Variants in PPP6R3 observed in about 807,000 individuals in gnomAD.
The protein encoded by PPP6R3 is protein phosphatase 6 regulatory subunit 3, also known as serine/threonine-protein phosphatase 6 regulatory subunit 3.
PPP6R3 carries 38 observed loss-of-function variants against 110.7 expected under a neutral mutation model. That is an observed-to-expected ratio of 0.34 (90% CI 0.26 to 0.45). The LOEUF is 0.45. Ranked by LOEUF, PPP6R3 falls within the 20% of genes least tolerant of loss-of-function variation. The pLI, the probability that PPP6R3 is intolerant of heterozygous loss-of-function variation, is 1.00. For synonymous variants in PPP6R3, 369 were observed against 373.5 expected (o/e 0.99, Z 0.14); for missense variants, 870 against 1,062.4 (o/e 0.82, Z 2.52).
chr11:68,496,105 T>G (rs1022698614), intron 1 of PPP6R3, among the ~76,000 whole-genome samples: 2 of 151,932 alleles, frequency 1.3e-5, no homozygotes, highest in African/African-American at 2.4e-5. Context: ...TCCTCCCACC[T>G]CCGCCCCCCA....
intron 1 of PPP6R3, among the ~76,000 whole-genome samples, chr11:68,466,720 C>T (rs1198143315): frequency 1.3e-5 from 2 of 152,226 alleles, no homozygotes; most frequent in Non-Finnish European, 2.9e-5. Context: ...TCACACCATT[C>T]TCCTGCCTCA....
At chr11:68,610,231 A>C (rs776416900) in intron 23 of PPP6R3, among the ~76,000 whole-genome samples, 7 of 152,222 alleles carry the variant, frequency 4.6e-5, no homozygotes. Flanking sequence ...TCCTTAGCGC[A>C]GAAACTGAAA....
At chr11:68,498,208 C>T (rs2099029283) in intron 1 of PPP6R3, among the ~76,000 whole-genome samples, 1 of 152,138 alleles carries the variant, frequency 6.6e-6, no homozygotes, top group Non-Finnish European at 1.5e-5. Context: ...ATTTTACCAG[C>T]AGTTCCAGTC....
At chr11:68,603,988 T>TTAAAATTGAGAGAATAATGGGAAAC (rs1160659325) in intron 22 of PPP6R3, among the ~76,000 whole-genome samples, 1 of 152,178 alleles carries the variant, frequency 6.6e-6, no homozygotes, top group Non-Finnish European at 1.5e-5. Context: ...GTAATGGATA[T>TTAAAATTGAGAGAATAATGGGAAAC]TAAAAACCTA....
intron 12 of PPP6R3, among the ~76,000 whole-genome samples, chr11:68,573,828 T>C (rs555692586): frequency 6.6e-6 from 1 of 152,332 alleles, no homozygotes; most frequent in South Asian, 2.1e-4. Context: ...TAATGTGTTA[T>C]TGACAGTGAG....
chr11:68,533,789 T>C (rs186273764), intron 2 of PPP6R3, among the ~76,000 whole-genome samples: 2 of 150,242 alleles, frequency 1.3e-5, no homozygotes, highest in African/African-American at 4.9e-5. Context: ...TGTTTAAATC[T>C]CAAGTTTAAA....
chr11:68,606,876 A>G (rs888454561), intron 22 of PPP6R3, among the ~76,000 whole-genome samples: 1 of 152,254 alleles, frequency 6.6e-6, no homozygotes, highest in Non-Finnish European at 1.5e-5. Flanking sequence ...ACTTGTAACT[A>G]ATAAGAATTC....
intron 22 of PPP6R3, among the ~76,000 whole-genome samples, chr11:68,605,620 G>C (rs1314731409): frequency 1.3e-5 from 2 of 152,102 alleles, no homozygotes. Flanking sequence ...AACCATAAAG[G>C]AAAATCTTGG....
intron 5 of PPP6R3, among the ~76,000 whole-genome samples, chr11:68,549,578 C>A (rs758916771): frequency 6.6e-6 from 1 of 152,022 alleles, no homozygotes; most frequent in South Asian, 2.1e-4. Flanking sequence ...TTGGGTGTGT[C>A]TTTGTAGATG....
chr11:68,501,474 G>A (rs1036247307), intron 1 of PPP6R3, among the ~76,000 whole-genome samples: 1 of 152,136 alleles, frequency 6.6e-6, no homozygotes, highest in African/African-American at 2.4e-5. Flanking sequence ...TTACAAGCAC[G>A]CACCACCACA....
At chr11:68,561,350 T>C (rs1398982387) in intron 8 of PPP6R3, among the ~76,000 whole-genome samples, 1 of 152,170 alleles carries the variant, frequency 6.6e-6, no homozygotes, top group East Asian at 1.9e-4. Flanking sequence ...TCCTTCCGCC[T>C]CAGCCTCTTA....
Position 68,484,068 on chromosome 11 carries a change from C to T in PPP6R3, c.-158+23241C>T, listed in dbSNP as rs1216272254. 4.6e-5 allele frequency among the ~76,000 whole-genome samples: 7 copies of T among 152,272 alleles called. No individual in the cohort carries two copies. In the South Asian group the frequency reaches 1.2e-3, roughly 27 times the overall value. On this transcript the variant is annotated intron_variant, in intron 1 of 23. Transcript: ENST00000393800. ...CTTGATAGCTCATTCCTTTTTAGTG[C>T]TGAATAATATTCCATTGTCTGGATG...
intron 19 of PPP6R3, 130 bp downstream of exon 19, chr11:68,596,348 A>G: frequency 1.6e-6 from 2 of 1,273,136 alleles, no homozygotes; most frequent in South Asian, 1.4e-5. Context: ...CGTGTTGTCA[A>G]GTGAATTCCT....
At chr11:68,525,608 A>G (rs1351500914) in intron 2 of PPP6R3, among the ~76,000 whole-genome samples, 4 of 152,342 alleles carry the variant, frequency 2.6e-5, no homozygotes, top group Non-Finnish European at 5.9e-5. Context: ...AAAGTTTGCT[A>G]GGGAAGGAAG....
chr11:68,551,171 A>T lies in PPP6R3; in HGVS notation c.603A>T (p.Pro201=). ...AGAGGCTTGTGGAAATAGTTCATCCATCGCAAGAAGAAGATGTAAGTTCAC... is the reference window on the plus strand; with the variant it reads ...AGAGGCTTGTGGAAATAGTTCATCCTTCGCAAGAAGAAGATGTAAGTTCAC... ...IIQRLVEIVH[P]SQEEDRHSNA... The change falls in exon 6 of 24, where the codon CCA becomes CCT. Residue 201 remains proline (P), a synonymous_variant. Transcript: ENST00000393800. 6.2e-7 allele frequency: 1 copy of T among 1,610,964 alleles called. No homozygotes were observed. Among genetic ancestry groups the T allele is most frequent in the East Asian group, 2.2e-5 (1 of 44,840 alleles).
intron 5 of PPP6R3, among the ~76,000 whole-genome samples, chr11:68,548,421 A>G (rs1408108620): frequency 7.1e-6 from 1 of 141,616 alleles, no homozygotes; most frequent in Non-Finnish European, 1.6e-5. Flanking sequence ...ATCCCTAGGT[A>G]TGTAGGATGT....
chr11:68,597,852 C>T (rs937016255), intron 19 of PPP6R3, among the ~76,000 whole-genome samples: 1 of 150,506 alleles, frequency 6.6e-6, no homozygotes, highest in Non-Finnish European at 1.5e-5. Flanking sequence ...TGGTGGCATA[C>T]ACCCATAGTC....
chr11:68,478,665 T>TTTTTTTTG (rs1250975124), intron 1 of PPP6R3, among the ~76,000 whole-genome samples: 1 of 130,080 alleles, frequency 7.7e-6, no homozygotes, highest in Non-Finnish European at 1.6e-5. Context: ...TTTTTTTTTT[T>TTTTTTTTG]TTTTTTTGAG....
At chr11:68,557,352 C>T (rs1387834887) in intron 7 of PPP6R3, among the ~76,000 whole-genome samples, 1 of 152,134 alleles carries the variant, frequency 6.6e-6, no homozygotes, top group African/African-American at 2.4e-5. Context: ...GAGATTCTCT[C>T]CTATTTCCTG....
Sources: allele counts gnomAD v4.1 joint callset (sites outside exome capture counted in the v4.1 genomes callset), GRCh38; gene constraint gnomAD v4.1.1; transcripts MANE v1.5; gene names NCBI Gene and HGNC (gene_info 2026-07-23, HGNC 2026-07-21).